The following RYR2 variants were observed in gnomAD, a reference collection of about 807,000 sequenced individuals.
The protein encoded by RYR2 is cardiac muscle ryanodine receptor-calcium release channel.
Under a neutral mutation model 601.1 loss-of-function variants are expected in RYR2, and 227 were observed. That is an observed-to-expected ratio of 0.38 (90% CI 0.34 to 0.42). The LOEUF (loss-of-function observed/expected upper bound fraction) is 0.42, where lower values mean the gene tolerates loss of function less well. Among genes scored for constraint, RYR2 ranks in the 10% least tolerant of loss-of-function variants. The probability of loss-of-function intolerance (pLI) is 1.00; values close to 1 mark genes in which losing one functional copy is unlikely to be tolerated. For missense variants in RYR2, 4,646 were observed against 6,156.5 expected, an observed-to-expected ratio of 0.75 and a Z score of 8.21; for synonymous variants, 2,223 against 2,175.1, an observed-to-expected ratio of 1.02 and a Z score of -0.61.
At position 237,569,323 on chromosome 1, in the gene RYR2, A is replaced by G; in HGVS notation, c.3598+4A>G. 3 of 1,612,936 alleles carry G rather than the reference A, an allele frequency of 1.9e-6. No homozygotes were observed. Among genetic ancestry groups the G allele is most frequent in the Non-Finnish European group, 2.5e-6 (3 of 1,179,458 alleles). ...AAGGACTTTGATGTTGGCGATGGTA[A>G]GTCTACTATGTTTTGTGTTTTTTTT... On this transcript the variant is annotated splice_donor_region_variant and intron_variant, in intron 29 of 104. Transcript: ENST00000366574.
At chr1:237,352,779 T>G in intron 3 of RYR2, 1 of 468,914 alleles carries the variant, frequency 2.1e-6, no homozygotes, top group South Asian at 1.6e-5. Flanking sequence ...TCTGTACATT[T>G]GTGTCTTGAT....
At chr1:237,792,454 T>G in intron 94 of RYR2, 131 bp downstream of exon 94, 1 of 597,000 alleles carries the variant, frequency 1.7e-6, no homozygotes. Flanking sequence ...GGGAAGCAGA[T>G]TCTGAGCTGG....
chr1:237,229,934 T>A (rs1419336525), intron 1 of RYR2, among the ~76,000 whole-genome samples: 1 of 152,154 alleles, frequency 6.6e-6, no homozygotes, highest in African/African-American at 2.4e-5. Context: ...GCATCATCTG[T>A]GTGTGCTCAT....
chr1:237,270,648 A>G (rs1271387742), intron 2 of RYR2, 32 bp downstream of exon 2: 6 of 1,555,668 alleles, frequency 3.9e-6, no homozygotes, highest in Non-Finnish European at 4.4e-6. Flanking sequence ...CTATTCAAAT[A>G]TGCAAGTTTT....
chr1:237,536,014 A>G (rs1428038336), intron 25 of RYR2, among the ~76,000 whole-genome samples: 1 of 152,190 alleles, frequency 6.6e-6, no homozygotes, highest in African/African-American at 2.4e-5. Flanking sequence ...GAATGAGACA[A>G]TATAAGTCAC....
intron 5 of RYR2, among the ~76,000 whole-genome samples, chr1:237,368,797 ACGTT>A (rs1700401398): frequency 7.5e-6 from 1 of 132,838 alleles, no homozygotes; most frequent in African/African-American, 2.8e-5. Context: ...CGTTGAATCA[ACGTT>A]TATTTATTTA....
chr1:237,049,244 C>A (rs577605880), intron 1 of RYR2, among the ~76,000 whole-genome samples: 1 of 152,276 alleles, frequency 6.6e-6, no homozygotes, highest in East Asian at 1.9e-4. Context: ...AAAAGAAATA[C>A]TGGTTTAGAG....
intron 3 of RYR2, among the ~76,000 whole-genome samples, chr1:237,332,800 A>G (rs1696877283): frequency 1.3e-5 from 2 of 152,178 alleles, no homozygotes; most frequent in African/African-American, 4.8e-5. Flanking sequence ...GGGCTGGGCA[A>G]ATTCTAAAGT....
At chr1:237,280,096 T>C (rs889876615) in intron 2 of RYR2, among the ~76,000 whole-genome samples, 6 of 152,238 alleles carry the variant, frequency 3.9e-5, no homozygotes, top group Non-Finnish European at 8.8e-5. Flanking sequence ...AGCAATACTT[T>C]ATATTCGGTG....
chr1:237,591,096 C>T (rs12736725), intron 31 of RYR2, 104 bp downstream of exon 31: 2 of 245,656 alleles, frequency 8.1e-6, no homozygotes, highest in South Asian at 6.2e-5. Flanking sequence ...CCTTCTCCTC[C>T]TCCTCCTCCT....
At chr1:237,643,301 C>T (rs1553265743) in intron 47 of RYR2, 26 bp from the exon 48 acceptor site, 2 of 1,605,256 alleles carry the variant, frequency 1.2e-6, no homozygotes, top group Non-Finnish European at 1.7e-6. Context: ...CAAAGTTGTT[C>T]TAATGTTTTT....
At chr1:237,823,768 A>G (rs112695900) in intron 101 of RYR2, among the ~76,000 whole-genome samples, 3 of 152,310 alleles carry the variant, frequency 2.0e-5, no homozygotes, top group Admixed American at 6.5e-5. Context: ...GATCAACAAA[A>G]TAGACAGACT....
At chr1:237,158,281 A>C (rs886485306) in intron 1 of RYR2, among the ~76,000 whole-genome samples, 9 of 152,172 alleles carry the variant, frequency 5.9e-5, no homozygotes, top group South Asian at 2.1e-4. Flanking sequence ...GGATCAGGGA[A>C]GGTTTGTGGT....
At chr1:237,266,081 A>T (rs1279864592) in intron 1 of RYR2, among the ~76,000 whole-genome samples, 3 of 152,212 alleles carry the variant, frequency 2.0e-5, no homozygotes, top group Non-Finnish European at 4.4e-5. Context: ...GAAAAAAATG[A>T]TGGTCATCAT....
In RYR2 at chr1:237,208,966, A is replaced by G. The variant is rs796210480; in HGVS notation, c.49-61531A>G. 5.0e-4 allele frequency among the ~76,000 whole-genome samples: 53 copies of G among 105,900 alleles called. 3 individuals are homozygous for G. In the East Asian group the frequency reaches 5.2e-3, roughly 10 times the overall value. The allele number at this position is 105,900 out of a possible 152,430, so 69.5% of individuals were successfully genotyped here. On this transcript the variant is annotated intron_variant, in intron 1 of 104. Coordinates refer to ENST00000366574, the MANE Select transcript of RYR2 (RefSeq NM_001035.3). Reference sequence around the variant, plus strand: ...TATATATATATATATATATATATATATATATATATATATATATATGTATAC... The same window carrying G: ...TATATATATATATATATATATATATGTATATATATATATATATATGTATAC...
At chr1:237,112,374 A>T (rs1669583979) in intron 1 of RYR2, among the ~76,000 whole-genome samples, 1 of 152,110 alleles carries the variant, frequency 6.6e-6, no homozygotes, top group African/African-American at 2.4e-5. Context: ...TCGGCCTCCC[A>T]GAGTGCTGGG....
chr1:237,825,406 C>T (rs772034739), intron 101 of RYR2, among the ~76,000 whole-genome samples: 2 of 152,098 alleles, frequency 1.3e-5, no homozygotes, highest in Non-Finnish European at 2.9e-5. Flanking sequence ...CAAAAAGAAG[C>T]ACTGGGGAAA....
At chr1:237,249,548 A>T (rs1458075776) in intron 1 of RYR2, among the ~76,000 whole-genome samples, 1 of 152,180 alleles carries the variant, frequency 6.6e-6, no homozygotes, top group African/African-American at 2.4e-5. Flanking sequence ...GCAAGTGTAG[A>T]TTTTTTATTT....
At position 237,423,104 on chromosome 1, in the gene RYR2, C is replaced by T; in HGVS notation, c.861C>T (p.Ser287=). Residue 287 remains serine, a synonymous_variant, in exon 12 of 105, where the codon AGC becomes AGT. Coordinates refer to ENST00000366574, the MANE Select transcript of RYR2 (RefSeq NM_001035.3). The part of the protein sequence containing the change: ...LETLRVAWSG[S]HIRWGQPFRL... ...CTGTTTTCATTAGGTGGAGTGGAAG[C>T]CACATAAGATGGGGACAGCCATTCC... The T allele has an allele frequency of 6.2e-7, 1 of 1,612,876 alleles. No homozygotes were observed.
Sources: gnomAD v4.1 joint callset for allele counts (sites outside exome capture counted in the v4.1 genomes callset) on GRCh38, gnomAD v4.1.1 for gene constraint, MANE v1.5 for transcripts, NCBI Gene and HGNC (gene_info 2026-07-23, HGNC 2026-07-21) for gene names.